The following METTL23 variants were observed in gnomAD, a reference collection of about 807,000 sequenced individuals.
METTL23 encodes the protein histone-arginine methyltransferase METTL23.
Under a neutral mutation model 21.2 loss-of-function variants are expected in METTL23, and 24 were observed. The observed-to-expected ratio is 1.13, with a 90% confidence interval of 0.82 to 1.59. The LOEUF is 1.59. Ranked by LOEUF, METTL23 falls within the 40% of genes most tolerant of loss-of-function variation. The pLI, the probability that METTL23 is intolerant of heterozygous loss-of-function variation, is 0.00. For synonymous variants in METTL23, 97 were observed against 75.2 expected, an observed-to-expected ratio of 1.29 and a Z score of -1.50; for missense variants, 276 against 221.4, an observed-to-expected ratio of 1.25 and a Z score of -1.57.
rs2143806479 is a variant in METTL23, at chr17:76,728,957, C to G, written c.-21-733C>G. On this transcript the variant is annotated intron_variant, in intron 1 of 4. Transcript: ENST00000341249. The stretch of plus-strand genomic sequence containing the variant: ...TACAGGTGCCCACCACCATGTCCGG[C>G]TAATTTTTTTGTATTTTTAGTGGAG... Among the ~76,000 whole-genome samples, 4 of 151,644 alleles carry G rather than the reference C, an allele frequency of 2.6e-5. No homozygotes were observed. The South Asian group carries it at 8.3e-4, about 32-fold the overall frequency.
chr17:76,733,505 A>G lies in METTL23; in HGVS notation c.408-16A>G. ...GAAAAGGCATGACTTTAAAAGAACA[A>G]CTTTTTTTTTTTAAGTGCTGACTGG... On this transcript the variant is annotated splice_polypyrimidine_tract_variant and intron_variant, in intron 4 of 4. Coordinates refer to ENST00000341249, the MANE Select transcript of METTL23 (RefSeq NM_001080510.5). 19 of 1,590,578 alleles carry G rather than the reference A, an allele frequency of 1.2e-5. No individual in the cohort carries two copies. The highest frequency in any genetic ancestry group is 1.5e-5 in the Non-Finnish European group (18 of 1,167,608).
At chr17:76,731,228 T>C (rs1416180394) in intron 2 of METTL23, among the ~76,000 whole-genome samples, 1 of 152,200 alleles carries the variant, frequency 6.6e-6, no homozygotes, top group Non-Finnish European at 1.5e-5. Flanking sequence ...TCAGCTGAGA[T>C]TGTGCCACTG....
chr17:76,731,590 G>C (rs1414334856), intron 2 of METTL23, among the ~76,000 whole-genome samples: 1 of 152,200 alleles, frequency 6.6e-6, no homozygotes, highest in Non-Finnish European at 1.5e-5. Context: ...GAAATGTTGA[G>C]ATTAGTGTAA....
intron 1 of METTL23, among the ~76,000 whole-genome samples, chr17:76,728,411 G>A (rs866138168): frequency 4.2e-4 from 1 of 2,376 alleles, no homozygotes; most frequent in Non-Finnish European, 0.013. Context: ...TGGCTTCACG[G>A]ATTTTTTTTT....
At chr17:76,727,308 G>A (rs545720368) in intron 1 of METTL23, 130 bp downstream of exon 1, 15 of 339,852 alleles carry the variant, frequency 4.4e-5, no homozygotes, top group South Asian at 3.3e-4. Context: ...GTTGACCCCC[G>A]GAGCAAAAAC....
At chr17:76,732,075 A>T (rs1268248184) in intron 2 of METTL23, among the ~76,000 whole-genome samples, 1 of 152,208 alleles carries the variant, frequency 6.6e-6, no homozygotes, top group African/African-American at 2.4e-5. Flanking sequence ...AGTGAAAATT[A>T]GGCTGAGTGC....
intron 2 of METTL23, among the ~76,000 whole-genome samples, 187 bp downstream of exon 2, chr17:76,729,981 A>G (rs967524717): frequency 4.6e-5 from 7 of 152,166 alleles, no homozygotes; most frequent in Non-Finnish European, 8.8e-5. Context: ...TTATCCTGGA[A>G]CTTTTTTTCA....
rs749618202 is a variant in METTL23, at chr17:76,733,679, G to A, written c.566G>A (p.Ser189Asn). ...CTGGTCATTTCCTTTGCAAAGGACAGTCTCTGAATTATACCTACAACCTGT... is the reference window on the plus strand; with the variant it reads ...CTGGTCATTTCCTTTGCAAAGGACAATCTCTGAATTATACCTACAACCTGT... ...EMLVISFAKDSL is the reference protein window; with the variant it reads ...EMLVISFAKDNL Residue 189 changes from serine (S) to asparagine (N), a missense_variant, in exon 5 of 5, where the codon AGT becomes AAT. Transcript: ENST00000341249. 10 of 1,612,668 alleles carry A rather than the reference G, an allele frequency of 6.2e-6. No homozygotes were observed. The South Asian group carries it at 9.9e-5, about 16-fold the overall frequency.
At position 76,729,812 on chromosome 17, in the gene METTL23, G is replaced by T; in HGVS notation, c.84+18G>T. ...TCTTAGAGGTACAAATGCCCCTGAA[G>T]TTTCCAGAGTTCTAGGTTATGTTCA... On this transcript the variant is annotated intron_variant, in intron 2 of 4. Transcript: ENST00000341249. The T allele has an allele frequency of 6.4e-7, 1 of 1,556,020 alleles. No homozygotes were observed. The highest frequency in any genetic ancestry group is 8.8e-7 in the Non-Finnish European group (1 of 1,140,362).
chr17:76,731,559 G>A (rs1391542889), intron 2 of METTL23, among the ~76,000 whole-genome samples: 3 of 152,212 alleles, frequency 2.0e-5, no homozygotes, highest in Admixed American at 6.5e-5. Flanking sequence ...TCAGACCGTA[G>A]TGTAGCCCTT....
intron 1 of METTL23, 60 bp from the exon 2 acceptor site, chr17:76,729,630 T>TG (rs1408423256): frequency 2.6e-6 from 3 of 1,173,446 alleles, no homozygotes; most frequent in Non-Finnish European, 3.7e-6. Flanking sequence ...AATTGCTGTA[T>TG]GAATGATTCC....
intron 2 of METTL23, chr17:76,732,777 T>C: frequency 1.7e-6 from 1 of 600,158 alleles, no homozygotes; most frequent in Non-Finnish European, 2.9e-6. Context: ...AGCTTTTACC[T>C]TTTAGCAGAG....
chr17:76,733,022 T>A lies in METTL23; in HGVS notation c.129T>A (p.Cys43Ter). ...VSLPGILAAK[C>*]GAEVILSDSS... The stretch of plus-strand genomic sequence containing the variant: ...TTCCAGGAATTTTGGCTGCCAAATG[T>A]GGTGCAGAAGTAATACTGTCAGACA... The change falls in exon 3 of 5, where the codon TGT becomes TGA. Residue 43 changes from cysteine to a stop codon, truncating the protein, a stop_gained. Coordinates refer to ENST00000341249, the MANE Select transcript of METTL23 (RefSeq NM_001080510.5). LOFTEE classifies it high-confidence loss of function. The A allele has an allele frequency of 6.3e-7, 1 of 1,595,160 alleles. No individual in the cohort carries two copies. The highest frequency in any genetic ancestry group is 1.1e-5 in the South Asian group (1 of 88,412).
At chr17:76,733,261 T>A in intron 3 of METTL23, 32 bp from the exon 4 acceptor site, 1 of 1,613,222 alleles carries the variant, frequency 6.2e-7, no homozygotes, top group Non-Finnish European at 8.5e-7. Context: ...TGATGCTATA[T>A]GAAAATCTAT....
intron 1 of METTL23, among the ~76,000 whole-genome samples, chr17:76,727,915 CA>C (rs758980550): frequency 1.2e-4 from 18 of 152,154 alleles, no homozygotes; most frequent in Non-Finnish European, 2.1e-4. Flanking sequence ...AAAGCACTTT[CA>C]CTTTGCAGTA....
intron 1 of METTL23, among the ~76,000 whole-genome samples, 156 bp from the exon 2 acceptor site, chr17:76,729,534 C>T (rs2077107352): frequency 6.6e-6 from 1 of 152,212 alleles, no homozygotes; most frequent in Non-Finnish European, 1.5e-5. Context: ...GTTTCTATCA[C>T]ATTGCATTGC....
At chr17:76,731,337 T>C (rs1458204356) in intron 2 of METTL23, among the ~76,000 whole-genome samples, 2 of 152,198 alleles carry the variant, frequency 1.3e-5, no homozygotes, top group Non-Finnish European at 2.9e-5. Context: ...TGAAAGTCCT[T>C]ACAGGTTCAG....
upstream of METTL23, chr17:76,726,306 T>G (rs747161305): frequency 6.6e-7 from 1 of 1,526,364 alleles, no homozygotes. Flanking sequence ...CGGCTGGAGG[T>G]GCCGATGCCC....
Position 76,733,007 on chromosome 17 carries a change from T to G in METTL23, c.114T>G (p.Ile38Met). 6.3e-7 allele frequency: 1 copy of G among 1,587,102 alleles called. No individual in the cohort carries two copies. The highest frequency in any genetic ancestry group is 1.1e-5 in the South Asian group (1 of 87,454). The change falls in exon 3 of 5, where the codon ATT (isoleucine) becomes ATG (methionine). Residue 38 changes from isoleucine (I) to methionine (M), a missense_variant. Ile to Met is a conservative substitution (Grantham distance 10). Coordinates refer to ENST00000341249, the MANE Select transcript of METTL23 (RefSeq NM_001080510.5). Reference sequence around the variant, plus strand: ...GAGCTGGAGTGAGCCTTCCAGGAATTTTGGCTGCCAAATGTGGTGCAGAAG... The same window carrying G: ...GAGCTGGAGTGAGCCTTCCAGGAATGTTGGCTGCCAAATGTGGTGCAGAAG... Reference protein sequence around the residue: ...EIGAGVSLPGILAAKCGAEVI... With the variant: ...EIGAGVSLPGMLAAKCGAEVI...
Sources: allele counts gnomAD v4.1 joint callset (sites outside exome capture counted in the v4.1 genomes callset), GRCh38; gene constraint gnomAD v4.1.1; transcripts MANE v1.5; gene names NCBI Gene and HGNC (gene_info 2026-07-23, HGNC 2026-07-21).